The following ZSCAN5A variants were observed in gnomAD, a reference collection of about 807,000 sequenced individuals.
The protein encoded by ZSCAN5A is zinc finger and SCAN domain containing 5A.
Under a neutral mutation model 23.7 loss-of-function variants are expected in ZSCAN5A, and 12 were observed. The ratio of observed to expected loss-of-function variants is 0.51; its 90% CI spans 0.32 to 0.82. The LOEUF (loss-of-function observed/expected upper bound fraction) is 0.82. ZSCAN5A is among the 40% of genes least tolerant of loss of function. The pLI, the probability that ZSCAN5A is intolerant of heterozygous loss-of-function variation, is 0.03. For missense variants in ZSCAN5A, 597 were observed against 617.9 expected (o/e 0.97, Z 0.36); for synonymous variants, 257 against 239.9 (o/e 1.07, Z -0.66).
intron 2 of ZSCAN5A, among the ~76,000 whole-genome samples, chr19:56,237,785 G>A (rs937436976): frequency 1.3e-5 from 2 of 151,954 alleles, no homozygotes; most frequent in Non-Finnish European, 2.9e-5. Context: ...CCGGGCATGG[G>A]TGGCGCCTGT....
In ZSCAN5A at chr19:56,326,019, A is replaced by G. The variant is rs529265082; in HGVS notation, c.-357-9751T>C. Among the ~76,000 whole-genome samples the G allele has an allele frequency of 9.3e-3, 1,390 of 150,162 alleles. 14 individuals are homozygous for G. The highest frequency in any genetic ancestry group is 0.032 in the African/African-American group (1,299 of 40,808). On this transcript the variant is annotated intron_variant, in intron 2 of 6. Coordinates refer to the ZSCAN5A transcript ENST00000587340. ...GTGATCTCCGCTCACTGCAAGCTCCACCTCCCGGGTTCACGCCATTCTCCT... is the reference window on the plus strand; with the variant it reads ...GTGATCTCCGCTCACTGCAAGCTCCGCCTCCCGGGTTCACGCCATTCTCCT...
In ZSCAN5A at chr19:56,222,631, T is replaced by C. The variant is rs1440957615; in HGVS notation, c.699A>G (p.Pro233=). ...GCTGAGGCTCTGGGGATGTCAGTCC[T>C]GGGTTCTCTTCCCTGTTTTCCTTCA... ...KDLKENREEN[P]GLTSPEPQLP... Residue 233 remains proline, a synonymous_variant, in exon 5 of 6, where the codon CCA becomes CCG. Transcript: ENST00000683990. 1.9e-6 allele frequency: 3 copies of C among 1,614,226 alleles called. No homozygotes were observed. Among genetic ancestry groups the C allele is most frequent in the Non-Finnish European group, 1.7e-6 (2 of 1,180,038 alleles).
At chr19:56,253,267 C>CAAAAAAA in intron 2 of ZSCAN5A, among the ~76,000 whole-genome samples, 1 of 109,096 alleles carries the variant, frequency 9.2e-6, no homozygotes, top group East Asian at 3.3e-4. Context: ...GAGGCTGTCT[C>CAAAAAAA]AAAAAAAAAA....
chr19:56,260,504 G>A (rs1292739427), intron 2 of ZSCAN5A, among the ~76,000 whole-genome samples: 2 of 152,066 alleles, frequency 1.3e-5, no homozygotes, highest in African/African-American at 2.4e-5. Flanking sequence ...ATGAGCCACC[G>A]CGCCTGGGCT....
chr19:56,289,979 C>T lies in ZSCAN5A; in HGVS notation c.-128+23304G>A, dbSNP rs376173027. ...GCTCATTAGAAGGAGTTGAAGAAAACGAATACTGGAGAACCTGCCTCTATT... is the reference window on the plus strand; with the variant it reads ...GCTCATTAGAAGGAGTTGAAGAAAATGAATACTGGAGAACCTGCCTCTATT... On this transcript the variant is annotated intron_variant, in intron 2 of 5. Coordinates refer to ENST00000683990, the MANE Select transcript of ZSCAN5A (RefSeq NM_001322064.3). Among the ~76,000 whole-genome samples the T allele has an allele frequency of 3.9e-3, 588 of 152,264 alleles. 8 individuals carry two copies. Among genetic ancestry groups the T allele is most frequent in the South Asian group, 0.034 (166 of 4,820 alleles).
intron 2 of ZSCAN5A, among the ~76,000 whole-genome samples, chr19:56,328,729 C>T (rs1171078689): frequency 3.3e-5 from 5 of 151,042 alleles, no homozygotes; most frequent in African/African-American, 9.8e-5. Flanking sequence ...TGGCCAGGCG[C>T]GGTGGCTCAT....
chr19:56,226,714 A>G (rs1599994295), intron 2 of ZSCAN5A, among the ~76,000 whole-genome samples: 1 of 152,362 alleles, frequency 6.6e-6, no homozygotes, highest in East Asian at 1.9e-4. Flanking sequence ...GCTCCGGGGC[A>G]GGTACACAGA....
At chr19:56,264,527 T>C (rs950959056) in intron 2 of ZSCAN5A, among the ~76,000 whole-genome samples, 1 of 152,188 alleles carries the variant, frequency 6.6e-6, no homozygotes, top group Non-Finnish European at 1.5e-5. Context: ...TTTCATTTAG[T>C]AGAAATCAAG....
intron 2 of ZSCAN5A, among the ~76,000 whole-genome samples, chr19:56,294,903 C>T (rs1285181916): frequency 6.6e-6 from 1 of 152,224 alleles, no homozygotes; most frequent in Non-Finnish European, 1.5e-5. Flanking sequence ...ATGACTCTGT[C>T]TCTACGACAT....
At position 56,351,707 on chromosome 19, in the gene ZSCAN5A, C is replaced by T. The variant is rs1055967127; in HGVS notation, c.-358+11528G>A. Among the ~76,000 whole-genome samples the T allele has an allele frequency of 2.6e-5, 4 of 152,172 alleles. No individual in the cohort carries two copies. Among genetic ancestry groups the T allele is most frequent in the Admixed American group, 6.5e-5 (1 of 15,278 alleles). On this transcript the variant is annotated intron_variant, in intron 2 of 6. Coordinates refer to the ZSCAN5A transcript ENST00000587340. The surrounding 1 kb of genome is among the most constrained non-coding windows in gnomAD (Gnocchi z 4.8). ...AAAAGCCTGGTAATCGTCCAGTCAT[C>T]GGAGCTGTATCAAAATGAACTTGGG...
chr19:56,353,573 C>T (rs547380568), intron 2 of ZSCAN5A, among the ~76,000 whole-genome samples: 9 of 151,810 alleles, frequency 5.9e-5, no homozygotes, highest in East Asian at 1.9e-4. Context: ...GTCAGGAGAT[C>T]GAGACCATCC....
At chr19:56,258,386 G>C (rs1238961300) in intron 2 of ZSCAN5A, among the ~76,000 whole-genome samples, 2 of 132,194 alleles carry the variant, frequency 1.5e-5, no homozygotes, top group East Asian at 3.9e-4. Flanking sequence ...CCAGTGTGGG[G>C]GTGACGGACA....
chr19:56,363,483 T>C (rs1167746120), intron 1 of ZSCAN5A: 8 of 152,168 alleles, frequency 5.3e-5, no homozygotes, highest in Non-Finnish European at 8.8e-5. Context: ...TGGGCAAAGA[T>C]TGGAAGAGTT....
chr19:56,231,996 C>CTTTTTTTTTTTTTTTTTTTTTTTTTTTTT (rs59525392), intron 2 of ZSCAN5A, among the ~76,000 whole-genome samples: 10 of 124,970 alleles, frequency 8.0e-5, no homozygotes, highest in Non-Finnish European at 1.5e-4. Flanking sequence ...TTTTTCTTTT[C>CTTTTTTTTTTTTTTTTTTTTTTTTTTTTT]TTTTTTTTTG....
intron 2 of ZSCAN5A, among the ~76,000 whole-genome samples, chr19:56,230,521 T>C (rs2034366411): frequency 1.3e-5 from 2 of 152,116 alleles, no homozygotes; most frequent in South Asian, 4.1e-4. Flanking sequence ...TCTTATTAGT[T>C]ATTTAACTCT....
intron 2 of ZSCAN5A, among the ~76,000 whole-genome samples, chr19:56,291,855 C>CATGATGAGG (rs1449394344): frequency 2.0e-5 from 3 of 152,076 alleles, no homozygotes; most frequent in Non-Finnish European, 4.4e-5. Flanking sequence ...CATGTAATGC[C>CATGATGAGG]ATGATGAGGA....
intron 2 of ZSCAN5A, among the ~76,000 whole-genome samples, chr19:56,325,679 G>T (rs1283684968): frequency 6.6e-6 from 1 of 151,748 alleles, no homozygotes; most frequent in Non-Finnish European, 1.5e-5. Context: ...GCGTTTGAAG[G>T]GGTTAAGGAG....
intron 2 of ZSCAN5A, among the ~76,000 whole-genome samples, chr19:56,337,287 C>T (rs990786273): frequency 6.6e-5 from 10 of 152,208 alleles, no homozygotes; most frequent in Non-Finnish European, 1.0e-4. Context: ...CAATGGCAGG[C>T]GCCCCTCCCC....
intron 2 of ZSCAN5A, among the ~76,000 whole-genome samples, chr19:56,303,794 G>A (rs144014924): frequency 8.1e-4 from 118 of 145,150 alleles, no homozygotes; most frequent in African/African-American, 2.9e-3. Context: ...CCATGGCCAC[G>A]GGCAGCCTTC....
Sources: allele counts gnomAD v4.1 joint callset (sites outside exome capture counted in the v4.1 genomes callset), GRCh38; gene constraint gnomAD v4.1.1; non-coding constraint Gnocchi (gnomAD v3.1); transcripts MANE v1.5; gene names NCBI Gene and HGNC (gene_info 2026-07-23, HGNC 2026-07-21).